Variants in COL5A3 observed in about 807,000 individuals in gnomAD.
The protein encoded by COL5A3 is collagen type V alpha 3 chain.
A neutral mutation model predicts 250.0 loss-of-function variants in COL5A3; 172 were observed. That is an observed-to-expected ratio of 0.69 (90% CI 0.61 to 0.78). The LOEUF is 0.78. Among genes scored for constraint, COL5A3 ranks in the 30% least tolerant of loss-of-function variants. COL5A3 has a pLI of 0.00. For synonymous variants in COL5A3, 937 were observed against 900.4 expected, an observed-to-expected ratio of 1.04 and a Z score of -0.73; for missense variants, 2,340 against 2,334.4, an observed-to-expected ratio of 1.00 and a Z score of -0.05.
chr19:9,980,531 T>C, intron 35 of COL5A3, 117 bp downstream of exon 35: 1 of 1,402,516 alleles, frequency 7.1e-7, no homozygotes, highest in Non-Finnish European at 9.7e-7. Context: ...CCAATTAAGC[T>C]GTGCTCTTAC....
In COL5A3 at chr19:9,984,720, A is replaced by G. The variant is rs371899052; in HGVS notation, c.2406+1122T>C. Among the ~76,000 whole-genome samples the G allele has an allele frequency of 3.9e-4, 59 of 152,304 alleles. 2 individuals carry two copies. The highest frequency in any genetic ancestry group is 1.4e-3 in the African/African-American group (58 of 41,556). On this transcript the variant is annotated intron_variant, in intron 31 of 66. Transcript: ENST00000264828. ...TTTCACCGCAGAGAAAACAGGCTCA[A>G]GAAACTTTCCCAAGATCACATAGCG...
intron 1 of COL5A3, 133 bp downstream of exon 1, chr19:10,010,165 C>G (rs2087508606): frequency 1.2e-5 from 7 of 564,386 alleles, no homozygotes; most frequent in Non-Finnish European, 1.9e-5. Flanking sequence ...CTCATGCGCC[C>G]ACATCACACC....
chr19:9,970,383 G>T (rs116913367), intron 54 of COL5A3, among the ~76,000 whole-genome samples: 192 of 71,430 alleles, frequency 2.7e-3, no homozygotes, highest in Middle Eastern at 9.1e-3. Flanking sequence ...GTAAGCGGGG[G>T]CTGTGGGGTG....
chr19:10,006,163 A>C lies in COL5A3; in HGVS notation c.157T>G (p.Phe53Val). ...GQAGVPEGPGFCPQRTPEGDR... is the reference protein window; with the variant it reads ...GQAGVPEGPGVCPQRTPEGDR... Reference sequence around the variant, plus strand: ...CCCTCTGGAGTCCTCTGGGGACAGAAGCCAGGCCCCTCGGGGACCCCAGCC... The same window carrying C: ...CCCTCTGGAGTCCTCTGGGGACAGACGCCAGGCCCCTCGGGGACCCCAGCC... The change falls in exon 2 of 67, where the codon TTC (phenylalanine) becomes GTC (valine). Residue 53 changes from phenylalanine to valine, a missense_variant. Phe to Val is a conservative substitution (Grantham distance 50). This residue lies in a region of COL5A3 where 1,152 missense variants were observed against 1,146.3 expected (regional missense o/e 1.00). Transcript: ENST00000264828. 6.2e-7 allele frequency: 1 copy of C among 1,611,242 alleles called. No homozygotes were observed.
In COL5A3 at chr19:10,003,688, A is replaced by G. The variant is rs2087396360; in HGVS notation, c.726T>C (p.Pro242=). ...TTCCCTTCCCCTTCCGCCGAGGACGAGGGGTTTCTGGTTCACCCTGGGGAG... is the reference window on the plus strand; with the variant it reads ...TTCCCTTCCCCTTCCGCCGAGGACGGGGGGTTTCTGGTTCACCCTGGGGAG... The part of the protein sequence containing the change: ...TVAPQGEPET[P]RPRRKGKGKG... Residue 242 remains proline, a synonymous_variant, in exon 6 of 67, where the codon CCT becomes CCC. Transcript: ENST00000264828. 6.2e-7 allele frequency: 1 copy of G among 1,613,672 alleles called. No homozygotes were observed. Among genetic ancestry groups the G allele is most frequent in the African/African-American group, 1.3e-5 (1 of 74,758 alleles).
chr19:9,997,936 T>C, intron 10 of COL5A3, 48 bp downstream of exon 10: 1 of 1,608,904 alleles, frequency 6.2e-7, no homozygotes, highest in Non-Finnish European at 8.5e-7. Flanking sequence ...TAAACACCCC[T>C]CAGCTGGAAG....
At chr19:9,979,061 C>A in intron 39 of COL5A3, 71 bp downstream of exon 39, 4 of 1,474,110 alleles carry the variant, frequency 2.7e-6, no homozygotes, top group Non-Finnish European at 3.6e-6. Flanking sequence ...CCCCCTCCCC[C>A]ATGAGACTGA....
rs2086779182 is a variant in COL5A3 at position 9,968,076 on chromosome 19, G to T, written c.4318C>A (p.Pro1440Thr). Residue 1440 changes from proline to threonine, a missense_variant, in exon 60 of 67, where the codon CCC becomes ACC. This residue lies in a region of COL5A3 where 1,179 missense variants were observed against 1,162.6 expected (regional missense o/e 1.01). Transcript: ENST00000264828. This position sits in a 1 kb window ranked among gnomAD's most constrained non-coding sequence, Gnocchi z 4.1. Reference sequence around the variant, plus strand: ...CCCAGAGAGCCAATGGGACCAGGGGGACCCTAGGAAAAGGACATCGGGTCA... The same window carrying T: ...CCCAGAGAGCCAATGGGACCAGGGGTACCCTAGGAAAAGGACATCGGGTCA... ...GPPGPKGDPG[P>T]PGPIGSLGHP... is the part of the protein sequence containing the mutation. 1 of 1,588,064 alleles carries T rather than the reference G, an allele frequency of 6.3e-7. No homozygotes were observed. Among genetic ancestry groups the T allele is most frequent in the Non-Finnish European group, 8.5e-7 (1 of 1,173,344 alleles).
In COL5A3 at chr19:9,962,930, T is replaced by C. The variant is rs745418389; in HGVS notation, c.4783-43A>G. 10 of 1,451,326 alleles carry C rather than the reference T, an allele frequency of 6.9e-6. No homozygotes were observed. The African/African-American group carries it at 1.4e-4, about 20-fold the overall frequency. 89.9% of individuals were successfully genotyped at this position (1,451,326 alleles called of 1,614,324 possible). A position where few individuals can be genotyped will look rare whatever the true frequency, so the allele number is the denominator to read the frequency against. ...GGGTCACTGTAGCTGACGCCCTTGG[T>C]GCCATCTAGATCTCATCTGCATTTC... On this transcript the variant is annotated intron_variant, in intron 64 of 66. Transcript: ENST00000264828.
intron 35 of COL5A3, among the ~76,000 whole-genome samples, 183 bp downstream of exon 35, chr19:9,980,465 A>G (rs2086992413): frequency 6.6e-6 from 1 of 152,020 alleles, no homozygotes; most frequent in Non-Finnish European, 1.5e-5. Context: ...GGGCTCAAGC[A>G]ATTCTCTCAT....
chr19:9,983,586 AAGAAAGAAAGAAAG>A (rs1568418767), intron 31 of COL5A3, among the ~76,000 whole-genome samples: 1,086 of 86,390 alleles, frequency 0.013, 73 homozygotes, highest in African/African-American at 0.031. Flanking sequence ...GAAAGAAAGA[AAGAAAGAAAGAAAG>A]AGAAAGAGAG....
chr19:9,978,237 A>G (rs574984746), intron 41 of COL5A3, among the ~76,000 whole-genome samples: 99 of 152,112 alleles, frequency 6.5e-4, no homozygotes, highest in African/African-American at 2.3e-3. Flanking sequence ...AGACAAGGAA[A>G]CTGAGGCTTG....
In COL5A3 at chr19:9,966,517, C is replaced by G. The variant is rs767139457; in HGVS notation, c.4669+19G>C. The G allele has an allele frequency of 8.5e-6, 13 of 1,535,952 alleles. No individual in the cohort carries two copies. Among genetic ancestry groups the G allele is most frequent in the Non-Finnish European group, 1.1e-5 (13 of 1,139,496 alleles). On this transcript the variant is annotated intron_variant, in intron 63 of 66. Transcript: ENST00000264828. ...ACCCCCACTCCGCCCATCCAAGTGG[C>G]GGGGGGACCGGACCTCACCATCAGG... is the stretch of plus-strand genomic sequence containing the variant.
rs761484005 is a variant in COL5A3, at chr19:9,960,736, G to A, written c.5006C>T (p.Ala1669Val). 26 of 1,614,086 alleles carry A rather than the reference G, an allele frequency of 1.6e-5. No individual in the cohort carries two copies. In the Admixed American group the frequency reaches 4.3e-4, roughly 27 times the overall value. ...CTCTCCATTGGTGCCAAGGAAGCGG[G>A]CGGAGTGGCTGTAGTCACCCGTGGC... Reference protein sequence around the residue: ...DEATGDYSHSARFLGTNGEEL... With the variant: ...DEATGDYSHSVRFLGTNGEEL... The change falls in exon 66 of 67, where the codon GCC becomes GTC. Residue 1669 changes from alanine to valine, a missense_variant. By Grantham distance (64) the Ala-to-Val change is moderately conservative. Coordinates refer to ENST00000264828, the MANE Select transcript of COL5A3 (RefSeq NM_015719.4).
At chr19:9,964,577 C>G (rs987647851) in intron 64 of COL5A3, among the ~76,000 whole-genome samples, 1 of 152,092 alleles carries the variant, frequency 6.6e-6, no homozygotes, top group Non-Finnish European at 1.5e-5. Context: ...GTGCTCTAGC[C>G]TGGGTGACAG....
chr19:9,962,936 C>G (rs1350272866), intron 64 of COL5A3, 49 bp from the exon 65 acceptor site: 2 of 1,390,612 alleles, frequency 1.4e-6, no homozygotes, highest in Non-Finnish European at 2.0e-6. Context: ...TTGGTGCCAT[C>G]TAGATCTCAT....
At position 9,993,783 on chromosome 19, in the gene COL5A3, A is replaced by C; in HGVS notation, c.1611T>G (p.Ala537=). The change falls in exon 17 of 67, where the codon GCT becomes GCG. Residue 537 remains alanine (A), a synonymous_variant. Transcript: ENST00000264828. ...GTCCAGTGTCCCCTGGGAGGCCCCG[A>C]GCTCCATCTGCTCCAGGGCGGCCCT... is the stretch of plus-strand genomic sequence containing the variant. ...GKMGRPGADG[A]RGLPGDTGPK... is the part of the protein sequence containing the mutation. The C allele has an allele frequency of 6.2e-7, 1 of 1,614,142 alleles. No homozygotes were observed. The highest frequency in any genetic ancestry group is 8.5e-7 in the Non-Finnish European group (1 of 1,180,008).
At chr19:9,962,109 T>C (rs2086682365) in intron 65 of COL5A3, among the ~76,000 whole-genome samples, 1 of 151,628 alleles carries the variant, frequency 6.6e-6, no homozygotes, top group South Asian at 2.1e-4. Context: ...ATCTTAATAA[T>C]GCTTTTTTTT....
At chr19:9,966,777 AG>A (rs1422451851) in intron 62 of COL5A3, 31 bp from the exon 63 acceptor site, 1 of 1,468,958 alleles carries the variant, frequency 6.8e-7, no homozygotes, top group African/African-American at 1.4e-5. Context: ...CGGAGAAGAG[AG>A]GGGAGATGGG....
Sources: gnomAD v4.1 joint callset for allele counts (sites outside exome capture counted in the v4.1 genomes callset) on GRCh38, gnomAD v4.1.1 for gene constraint, gnomAD v4.1.1 regional missense constraint, Gnocchi (gnomAD v3.1) non-coding constraint, MANE v1.5 for transcripts, NCBI Gene and HGNC (gene_info 2026-07-23, HGNC 2026-07-21) for gene names.